The following WIPF2 variants were observed in gnomAD, a reference collection of about 807,000 sequenced individuals.
WIPF2 encodes the protein WAS/WASL-interacting protein family member 2.
In WIPF2, 23 loss-of-function variants were observed where a neutral mutation model predicts 38.8. That is an observed-to-expected ratio of 0.59 (90% CI 0.43 to 0.84). WIPF2 has a LOEUF of 0.84. WIPF2 is among the 40% of genes least tolerant of loss of function. The pLI, the probability that WIPF2 is intolerant of heterozygous loss-of-function variation, is 0.00. For missense variants in WIPF2, 574 were observed against 580.5 expected (o/e 0.99, Z 0.11); for synonymous variants, 210 against 223.2 (o/e 0.94, Z 0.53).
chr17:40,244,746 T>C (rs1236117280), intron 1 of WIPF2, among the ~76,000 whole-genome samples: 1 of 152,164 alleles, frequency 6.6e-6, no homozygotes, highest in Non-Finnish European at 1.5e-5. Flanking sequence ...CCTGGTCTTT[T>C]TACTAGTTCT....
intron 1 of WIPF2, among the ~76,000 whole-genome samples, chr17:40,228,848 T>C (rs1419383868): frequency 6.6e-6 from 1 of 151,952 alleles, no homozygotes; most frequent in Non-Finnish European, 1.5e-5. Context: ...GAACTCGGGC[T>C]TAAGCAGTCC....
At chr17:40,222,312 A>G (rs1330373985) in intron 1 of WIPF2, among the ~76,000 whole-genome samples, 9 of 151,448 alleles carry the variant, frequency 5.9e-5, no homozygotes, top group African/African-American at 2.2e-4. Context: ...TTGGCCTCCC[A>G]AAGTGCTGGG....
At chr17:40,222,731 C>T (rs1005878724) in intron 1 of WIPF2, among the ~76,000 whole-genome samples, 4 of 120,994 alleles carry the variant, frequency 3.3e-5, no homozygotes, top group Admixed American at 2.3e-4. Flanking sequence ...AGTGGAATGG[C>T]GCAGTCTTGG....
chr17:40,248,168 T>C (rs910001342), intron 1 of WIPF2, among the ~76,000 whole-genome samples: 2 of 132,444 alleles, frequency 1.5e-5, no homozygotes, highest in Non-Finnish European at 3.2e-5. Context: ...TATTTCTTTT[T>C]TTTTTTTTTT....
chr17:40,277,034 G>A (rs751264664), intron 6 of WIPF2, 49 bp from the exon 7 acceptor site: 3 of 1,511,066 alleles, frequency 2.0e-6, no homozygotes, highest in Non-Finnish European at 2.7e-6. Context: ...AGAGGCCTGT[G>A]GGAGCACAAG....
At chr17:40,254,467 C>T (rs763380589) in intron 1 of WIPF2, among the ~76,000 whole-genome samples, 1 of 151,814 alleles carries the variant, frequency 6.6e-6, no homozygotes, top group South Asian at 2.1e-4. Flanking sequence ...GGGAGGGGGT[C>T]AAAAAATGGG....
chr17:40,273,901 C>T lies in WIPF2; in HGVS notation c.1082C>T (p.Pro361Leu). ...CCCCCGAGCCGAGGAAAGCCCCCAC[C>T]TCCACCCTCAAGGACGCCAGCTGGG... is the stretch of plus-strand genomic sequence containing the variant. ...SEPPSRGKPP[P>L]PPSRTPAGPP... Residue 361 changes from proline to leucine, a missense_variant, in exon 6 of 8, where the codon CCT becomes CTT. Physicochemically the swap from Pro to Leu is moderately conservative, Grantham distance 98 (BLOSUM62 -3). Transcript: ENST00000323571. 6.3e-7 allele frequency: 1 copy of T among 1,589,970 alleles called. No homozygotes were observed.
chr17:40,240,372 T>C (rs1176862637), intron 1 of WIPF2, among the ~76,000 whole-genome samples: 2 of 152,108 alleles, frequency 1.3e-5, no homozygotes, highest in Non-Finnish European at 2.9e-5. Context: ...TCCCAGACTT[T>C]CAACCAGTCC....
chr17:40,258,961 T>G (rs2031813906), intron 2 of WIPF2, among the ~76,000 whole-genome samples: 2 of 148,112 alleles, frequency 1.4e-5, no homozygotes, highest in African/African-American at 5.0e-5. Context: ...AAAAAAAAAT[T>G]TTTTAGGCCG....
At chr17:40,267,890 C>G (rs562418885) in intron 5 of WIPF2, among the ~76,000 whole-genome samples, 1 of 152,284 alleles carries the variant, frequency 6.6e-6, no homozygotes, top group East Asian at 1.9e-4. Context: ...ACGCCTTAAT[C>G]CCAGCACTTT....
chr17:40,237,654 GT>G lies in WIPF2; in HGVS notation c.-70+18172del, dbSNP rs1175210745. Among the ~76,000 whole-genome samples the G allele has an allele frequency of 4.6e-4, 65 of 140,814 alleles. 1 individual carries two copies. In the South Asian group the frequency reaches 7.9e-3, roughly 17 times the overall value. The allele number at this position is 140,814 out of a possible 152,430, so 92.4% of individuals were successfully genotyped here. On this transcript the variant is annotated intron_variant, in intron 1 of 7. Coordinates refer to ENST00000323571, the MANE Select transcript of WIPF2 (RefSeq NM_133264.5). The stretch of plus-strand genomic sequence containing the variant: ...TTTGTTTAATTTCCAAGGGCTTTTT[GT>G]TTTTTTTTTAGACAGAGTCTTACTC...
At chr17:40,251,180 C>T (rs1173072065) in intron 1 of WIPF2, among the ~76,000 whole-genome samples, 2 of 152,030 alleles carry the variant, frequency 1.3e-5, no homozygotes, top group Admixed American at 6.6e-5. Flanking sequence ...TCCCAAAGTG[C>T]TGGGATTACA....
At chr17:40,220,656 C>CA (rs1253880445) in intron 1 of WIPF2, 1 of 134,504 alleles carries the variant, frequency 7.4e-6, no homozygotes, top group Non-Finnish European at 1.6e-5. Flanking sequence ...TTGTTGGAGA[C>CA]AGAGTCTTGC....
chr17:40,230,371 G>T (rs1404164273), intron 1 of WIPF2, among the ~76,000 whole-genome samples: 2 of 152,024 alleles, frequency 1.3e-5, no homozygotes, highest in Admixed American at 6.6e-5. Context: ...TAATAGGATA[G>T]TGAATTTTGA....
At chr17:40,250,732 T>G (rs1273063435) in intron 1 of WIPF2, among the ~76,000 whole-genome samples, 1 of 151,980 alleles carries the variant, frequency 6.6e-6, no homozygotes, top group African/African-American at 2.4e-5. Flanking sequence ...GAGAACCTTC[T>G]TGTTCTTTTC....
intron 3 of WIPF2, among the ~76,000 whole-genome samples, chr17:40,261,972 G>T (rs980609302): frequency 1.3e-5 from 2 of 151,600 alleles, no homozygotes; most frequent in Non-Finnish European, 2.9e-5. Flanking sequence ...GAGCCACCAC[G>T]CCTGGCTTCA....
At chr17:40,224,162 C>T (rs1249598362) in intron 1 of WIPF2, among the ~76,000 whole-genome samples, 1 of 149,510 alleles carries the variant, frequency 6.7e-6, no homozygotes, top group African/African-American at 2.5e-5. Context: ...TTTGAGATAA[C>T]ATATGGAGGC....
At chr17:40,251,164 T>G (rs1302022783) in intron 1 of WIPF2, among the ~76,000 whole-genome samples, 1 of 152,070 alleles carries the variant, frequency 6.6e-6, no homozygotes, top group Admixed American at 6.6e-5. Context: ...TCCGCCCTCC[T>G]CGGCCTCCCA....
intron 1 of WIPF2, among the ~76,000 whole-genome samples, chr17:40,226,892 C>G (rs537933761): frequency 3.3e-5 from 5 of 152,076 alleles, no homozygotes; most frequent in African/African-American, 1.2e-4. Context: ...CAGGTGCACG[C>G]CACCATGCCC....
Sources: allele counts gnomAD v4.1 joint callset (sites outside exome capture counted in the v4.1 genomes callset), GRCh38; gene constraint gnomAD v4.1.1; transcripts MANE v1.5; gene names NCBI Gene and HGNC (gene_info 2026-07-23, HGNC 2026-07-21).